The following PBX1 variants were observed in gnomAD, a reference collection of about 807,000 sequenced individuals.
The protein encoded by PBX1 is pre-B-cell leukemia transcription factor 1.
In PBX1, 6 loss-of-function variants were observed where a neutral mutation model predicts 53.4. The observed-to-expected ratio is 0.11, with a 90% CI of 0.06 to 0.22. The LOEUF (loss-of-function observed/expected upper bound fraction) is 0.22, where lower values mean the gene tolerates loss of function less well. PBX1 is among the 10% of genes least tolerant of loss of function. PBX1 has a pLI of 1.00. For missense variants in PBX1, 251 were observed against 551.4 expected (o/e 0.46, Z 5.46); for synonymous variants, 204 against 212.3 (o/e 0.96, Z 0.34).
intron 8 of PBX1, among the ~76,000 whole-genome samples, chr1:164,832,158 A>T (rs74574243): frequency 1.3e-5 from 2 of 152,122 alleles, no homozygotes; most frequent in African/African-American, 4.8e-5. Context: ...TAGACCCTTG[A>T]CCTCTAGTCC....
At chr1:164,721,268 C>G (rs1664391777) in intron 2 of PBX1, among the ~76,000 whole-genome samples, 1 of 152,144 alleles carries the variant, frequency 6.6e-6, no homozygotes. Flanking sequence ...CTGCTTTTCT[C>G]CCCTTTGGGC....
chr1:164,822,337 G>A (rs1670201971), intron 8 of PBX1, among the ~76,000 whole-genome samples: 1 of 152,112 alleles, frequency 6.6e-6, no homozygotes, highest in Non-Finnish European at 1.5e-5. Flanking sequence ...TGGAAAAGGA[G>A]GCTGTTTTTT....
intron 2 of PBX1, among the ~76,000 whole-genome samples, chr1:164,649,246 A>C (rs1019655951): frequency 6.6e-6 from 1 of 152,202 alleles, no homozygotes; most frequent in African/African-American, 2.4e-5. Flanking sequence ...TTTCTAGCTT[A>C]AAACAAAATT....
At chr1:164,726,817 G>A (rs1001627425) in intron 2 of PBX1, among the ~76,000 whole-genome samples, 12 of 152,244 alleles carry the variant, frequency 7.9e-5, no homozygotes, top group African/African-American at 2.4e-4. Context: ...CTAGAGGCCC[G>A]TCTGGAACAT....
At chr1:164,560,060 C>T in intron 1 of PBX1, 47 bp downstream of exon 1, 2 of 1,275,376 alleles carry the variant, frequency 1.6e-6, no homozygotes, top group Non-Finnish European at 2.0e-6. Context: ...TTTTGTTTTT[C>T]TTCCTCTTGC....
At chr1:164,806,374 A>G (rs1669349844) in intron 4 of PBX1, among the ~76,000 whole-genome samples, 1 of 152,144 alleles carries the variant, frequency 6.6e-6, no homozygotes, top group Non-Finnish European at 1.5e-5. Context: ...TTTACCATTT[A>G]GCAGCTGTTC....
intron 2 of PBX1, among the ~76,000 whole-genome samples, chr1:164,748,843 G>T (rs1666041225): frequency 6.6e-6 from 1 of 152,156 alleles, no homozygotes; most frequent in South Asian, 2.1e-4. Flanking sequence ...CTAGGATGGG[G>T]TGAGCACTGG....
intron 2 of PBX1, among the ~76,000 whole-genome samples, chr1:164,741,839 G>T (rs536098927): frequency 6.6e-6 from 1 of 151,498 alleles, no homozygotes; most frequent in East Asian, 1.9e-4. Context: ...TACGTTTCCA[G>T]AGGAAAAAAA....
At chr1:164,793,283 T>C (rs1054024462) in intron 3 of PBX1, among the ~76,000 whole-genome samples, 4 of 152,178 alleles carry the variant, frequency 2.6e-5, no homozygotes, top group African/African-American at 9.7e-5. Context: ...GTATTCCCTC[T>C]TTTACATAAT....
intron 2 of PBX1, among the ~76,000 whole-genome samples, chr1:164,619,968 G>T (rs1309102334): frequency 6.6e-6 from 1 of 152,058 alleles, no homozygotes; most frequent in African/African-American, 2.4e-5. Context: ...GAGCCTAGGA[G>T]TTTGAGACCA....
intron 2 of PBX1, among the ~76,000 whole-genome samples, chr1:164,673,547 T>G (rs919937424): frequency 2.0e-5 from 3 of 146,680 alleles, no homozygotes; most frequent in Non-Finnish European, 3.0e-5. Flanking sequence ...CTCTGCTCAC[T>G]GCAACCTCCG....
intron 8 of PBX1, among the ~76,000 whole-genome samples, chr1:164,832,280 A>G (rs374964892): frequency 3.2e-4 from 48 of 152,326 alleles, no homozygotes; most frequent in East Asian, 3.1e-3. Flanking sequence ...TAAGAACTCA[A>G]TTATGACTGT....
chr1:164,614,088 A>G (rs1442689631), intron 2 of PBX1, among the ~76,000 whole-genome samples: 5 of 152,198 alleles, frequency 3.3e-5, no homozygotes, highest in Non-Finnish European at 5.9e-5. Context: ...AACCAAGCAC[A>G]GTTCCTTGCC....
In PBX1 at chr1:164,847,668, C is replaced by T; in HGVS notation, c.*992C>T. On this transcript the variant is annotated 3_prime_UTR_variant, in exon 9 of 9. Coordinates refer to ENST00000420696, the MANE Select transcript of PBX1 (RefSeq NM_002585.4). Reference sequence around the variant, plus strand: ...GCACATGTACCATCTCACATCTTCACTTTCCCGAGATGCCATATACAATTA... The same window carrying T: ...GCACATGTACCATCTCACATCTTCATTTTCCCGAGATGCCATATACAATTA... 1 of 1,059,000 alleles carries T rather than the reference C, an allele frequency of 9.4e-7. No homozygotes were observed. Among genetic ancestry groups the T allele is most frequent in the Non-Finnish European group, 1.1e-6 (1 of 875,254 alleles). 65.6% of individuals were successfully genotyped at this position (1,059,000 alleles called of 1,614,324 possible). A position where few individuals can be genotyped will look rare whatever the true frequency, so the allele number is the denominator to read the frequency against.
At chr1:164,688,349 A>G (rs1003548791) in intron 2 of PBX1, among the ~76,000 whole-genome samples, 1 of 152,214 alleles carries the variant, frequency 6.6e-6, no homozygotes, top group Non-Finnish European at 1.5e-5. Flanking sequence ...GTACAGATCA[A>G]TTACAACTTG....
intron 2 of PBX1, among the ~76,000 whole-genome samples, chr1:164,666,851 T>G (rs1244660921): frequency 2.0e-5 from 3 of 152,234 alleles, no homozygotes; most frequent in African/African-American, 4.8e-5. Flanking sequence ...TGCTGAGGTT[T>G]TTATTAGATC....
intron 2 of PBX1, chr1:164,703,008 A>C (rs1260342281): frequency 7.0e-6 from 1 of 142,196 alleles, no homozygotes; most frequent in Non-Finnish European, 1.6e-5. Flanking sequence ...GCAAATGTCT[A>C]TTATTAAAAA....
intron 2 of PBX1, among the ~76,000 whole-genome samples, chr1:164,702,008 C>T (rs547445688): frequency 2.0e-5 from 3 of 152,236 alleles, no homozygotes; most frequent in South Asian, 4.2e-4. Context: ...AAATCTCTTA[C>T]AGACATATGT....
At chr1:164,638,760 G>T (rs767687931) in intron 2 of PBX1, among the ~76,000 whole-genome samples, 42 of 152,220 alleles carry the variant, frequency 2.8e-4, no homozygotes, top group Non-Finnish European at 4.9e-4. Context: ...CTTGAATGAG[G>T]TCACCTGCTC....
Sources: allele counts gnomAD v4.1 joint callset (sites outside exome capture counted in the v4.1 genomes callset), GRCh38; gene constraint gnomAD v4.1.1; transcripts MANE v1.5; gene names NCBI Gene and HGNC (gene_info 2026-07-23, HGNC 2026-07-21).